DOCK10: variants seen among roughly 807,000 people sequenced by gnomAD.
The protein encoded by DOCK10 is dedicator of cytokinesis protein 10.
Under a neutral mutation model 280.1 loss-of-function variants are expected in DOCK10, and 145 were observed. That is an observed-to-expected ratio of 0.52 (90% CI 0.45 to 0.59). The LOEUF (loss-of-function observed/expected upper bound fraction) is 0.59. Among genes scored for constraint, DOCK10 ranks in the 20% least tolerant of loss-of-function variants. The pLI is 0.00. For synonymous variants in DOCK10, 915 were observed against 942.2 expected (o/e 0.97, Z 0.53); for missense variants, 2,368 against 2,651.7 (o/e 0.89, Z 2.35).
chr2:224,998,623 T>C (rs1460787936), intron 1 of DOCK10, among the ~76,000 whole-genome samples: 2 of 152,288 alleles, frequency 1.3e-5, no homozygotes, highest in East Asian at 3.9e-4. Flanking sequence ...CATATACAAC[T>C]TTCTTCAACC....
rs1690575568 is a variant in DOCK10, at chr2:224,773,255, T to C, written c.6106A>G (p.Met2036Val). The C allele has an allele frequency of 6.2e-7, 1 of 1,614,028 alleles. No homozygotes were observed. Among genetic ancestry groups the C allele is most frequent in the Non-Finnish European group, 8.5e-7 (1 of 1,179,884 alleles). ...TTAAGCTCAGAAACCTTCTTGGACATCTCGTCAATTGCCACTTCAATTGGA... is the reference window on the plus strand; with the variant it reads ...TTAAGCTCAGAAACCTTCTTGGACACCTCGTCAATTGCCACTTCAATTGGA... ...LNPIEVAIDE[M>V]SKKVSELNQL... The change falls in exon 53 of 56, where the codon ATG (methionine) becomes GTG (valine). Residue 2036 changes from methionine (M) to valine (V), a missense_variant. Met to Val is a conservative substitution (Grantham distance 21, BLOSUM62 1). Around this residue, in one of 2 missense-constraint regions of DOCK10, gnomAD observed 1,159 missense variants for 1,400.8 expected, o/e 0.83. Coordinates refer to ENST00000258390, the MANE Select transcript of DOCK10 (RefSeq NM_014689.3).
In DOCK10 at chr2:224,874,706, G is replaced by C; in HGVS notation, c.977C>G (p.Thr326Arg). ...GTGTAGGTTGTTCTCTGAAGAATCT[G>C]TTTCCTCTGGCGTGCATTCACAAGT... ...SVTCECTPEE[T>R]DSSENNLHAD... The change falls in exon 9 of 56, where the codon ACA becomes AGA. Residue 326 changes from threonine (T) to arginine (R), a missense_variant. By Grantham distance (71) the Thr-to-Arg change is moderately conservative. Transcript: ENST00000258390. 6.2e-7 allele frequency: 1 copy of C among 1,613,946 alleles called. No individual in the cohort carries two copies. The highest frequency in any genetic ancestry group is 8.5e-7 in the Non-Finnish European group (1 of 1,179,864).
At position 224,955,717 on chromosome 2, in the gene DOCK10, A is replaced by G. The variant is rs989873460; in HGVS notation, c.124-24049T>C. 3.3e-5 allele frequency among the ~76,000 whole-genome samples: 5 copies of G among 152,230 alleles called. No homozygotes were observed. The East Asian group carries it at 9.6e-4, about 29-fold the overall frequency. ...TGTTTTGCAGATAACTAATTGTTGAATTTCCTTTATTTAGTTGTGCACACT... is the reference window on the plus strand; with the variant it reads ...TGTTTTGCAGATAACTAATTGTTGAGTTTCCTTTATTTAGTTGTGCACACT... On this transcript the variant is annotated intron_variant, in intron 1 of 55. Coordinates refer to ENST00000258390, the MANE Select transcript of DOCK10 (RefSeq NM_014689.3).
intron 1 of DOCK10, among the ~76,000 whole-genome samples, chr2:225,026,550 G>T (rs1486207321): frequency 6.6e-6 from 1 of 152,212 alleles, no homozygotes; most frequent in Non-Finnish European, 1.5e-5. Flanking sequence ...GTGGCCAGGG[G>T]TGGAAATAAT....
In DOCK10 at chr2:224,840,143, C is replaced by CT. The variant is rs1389572828; in HGVS notation, c.2662-72dup. 6.0e-6 allele frequency: 4 copies of CT among 666,976 alleles called. No homozygotes were observed. In the African/African-American group the frequency reaches 7.2e-5, roughly 12 times the overall value. 41.3% of individuals were successfully genotyped at this position (666,976 alleles called of 1,614,324 possible). A position where few individuals can be genotyped will look rare whatever the true frequency, so the allele number is the denominator to read the frequency against. Reference sequence around the variant, plus strand: ...CATGTCCTACATTCAAGACCTGAAACTATAAATCTATGAGAAGAAAACATA... The same window carrying CT: ...CATGTCCTACATTCAAGACCTGAAACTTATAAATCTATGAGAAGAAAACATA... On this transcript the variant is annotated intron_variant, in intron 23 of 55. Transcript: ENST00000258390.
chr2:224,848,651 G>A (rs879297206), intron 19 of DOCK10, among the ~76,000 whole-genome samples: 1 of 152,214 alleles, frequency 6.6e-6, no homozygotes, highest in Non-Finnish European at 1.5e-5. Flanking sequence ...GGGAGATGAT[G>A]TGTGCATGGA....
intron 1 of DOCK10, among the ~76,000 whole-genome samples, chr2:224,977,374 C>A (rs965583569): frequency 2.0e-5 from 3 of 152,060 alleles, no homozygotes; most frequent in Non-Finnish European, 4.4e-5. Flanking sequence ...CCTCTTGTGC[C>A]ACCTCTAAAC....
chr2:224,797,768 G>A, intron 42 of DOCK10, 64 bp downstream of exon 42: 1 of 1,543,792 alleles, frequency 6.5e-7, no homozygotes, highest in Admixed American at 2.1e-5. Flanking sequence ...ATTCCTATAG[G>A]TTTACTATTC....
intron 4 of DOCK10, among the ~76,000 whole-genome samples, chr2:224,892,427 G>GAAAAAAAAGAAAAGAAAAGA (rs58114938): frequency 3.2e-5 from 3 of 93,970 alleles, no homozygotes; most frequent in East Asian, 2.4e-4. Context: ...AAAAAAGAAA[G>GAAAAAAAAGAAAAGAAAAGA]AAAGAAAAGA....
chr2:224,931,419 C>T, intron 2 of DOCK10, 130 bp downstream of exon 2: 1 of 1,045,464 alleles, frequency 9.6e-7, no homozygotes, highest in Non-Finnish European at 1.3e-6. Context: ...AGGATGTGAA[C>T]TCCTGCTGCA....
intron 1 of DOCK10, among the ~76,000 whole-genome samples, chr2:224,974,157 C>A (rs146680325): frequency 8.3e-4 from 127 of 152,310 alleles, no homozygotes; most frequent in Non-Finnish European, 1.6e-3. Context: ...AGGGCAGCAG[C>A]AGTCTATTGT....
chr2:224,808,038 A>G lies in DOCK10; in HGVS notation c.3458T>C (p.Leu1153Ser), dbSNP rs372650319. 4.3e-6 allele frequency: 7 copies of G among 1,612,662 alleles called. No individual in the cohort carries two copies. Among genetic ancestry groups the G allele is most frequent in the Non-Finnish European group, 5.9e-6 (7 of 1,179,314 alleles). Reference protein sequence around the residue: ...VTNEFCRKHFLIGILLREVGF... With the variant: ...VTNEFCRKHFSIGILLREVGF... ...AACTTCTCGGAGCAGAATTCCGATT[A>G]AGAAGTGTTTGCGACAAAATTCATT... The change falls in exon 32 of 56, where the codon TTA becomes TCA. Residue 1153 changes from leucine (L) to serine (S), a missense_variant. Coordinates refer to ENST00000258390, the MANE Select transcript of DOCK10 (RefSeq NM_014689.3).
intron 1 of DOCK10, among the ~76,000 whole-genome samples, chr2:224,978,305 T>G (rs1017911018): frequency 1.5e-4 from 23 of 152,248 alleles, no homozygotes; most frequent in African/African-American, 5.3e-4. Context: ...TGGTGGCACG[T>G]GCCTGTAATC....
chr2:224,817,154 G>A (rs887068467), intron 29 of DOCK10, among the ~76,000 whole-genome samples: 5 of 152,202 alleles, frequency 3.3e-5, no homozygotes, highest in Admixed American at 3.3e-4. Flanking sequence ...TGTGTATCAC[G>A]TAAAATTAGA....
At chr2:224,981,295 G>GTCAC (rs1328479338) in intron 1 of DOCK10, among the ~76,000 whole-genome samples, 1 of 152,140 alleles carries the variant, frequency 6.6e-6, no homozygotes, top group African/African-American at 2.4e-5. Context: ...TTAGTATTCT[G>GTCAC]TCACTCAGAG....
intron 41 of DOCK10, 131 bp downstream of exon 41, chr2:224,800,020 A>G: frequency 1.9e-6 from 1 of 514,800 alleles, no homozygotes; most frequent in Non-Finnish European, 3.5e-6. Context: ...TTTTCCACTC[A>G]CACTTAGGTT....
At chr2:225,040,683 A>G (rs113657194) in intron 1 of DOCK10, among the ~76,000 whole-genome samples, 396 of 152,216 alleles carry the variant, frequency 2.6e-3, no homozygotes, top group African/African-American at 8.9e-3. Context: ...TTTCCATCAG[A>G]TCCTCAGTGA....
intron 1 of DOCK10, among the ~76,000 whole-genome samples, chr2:225,040,827 T>C (rs922714500): frequency 2.6e-5 from 4 of 152,218 alleles, no homozygotes; most frequent in Admixed American, 6.5e-5. Flanking sequence ...TTTTCTTATC[T>C]CTACTTTTAC....
intron 1 of DOCK10, among the ~76,000 whole-genome samples, chr2:224,994,226 T>C (rs1217649969): frequency 2.0e-5 from 3 of 152,222 alleles, no homozygotes; most frequent in African/African-American, 7.2e-5. Flanking sequence ...AGGTAGTATA[T>C]GTACTGGTTA....
Sources: allele counts gnomAD v4.1 joint callset (sites outside exome capture counted in the v4.1 genomes callset), GRCh38; gene constraint gnomAD v4.1.1; regional missense constraint gnomAD v4.1.1; transcripts MANE v1.5; gene names NCBI Gene and HGNC (gene_info 2026-07-23, HGNC 2026-07-21).